Variants in COL4A5 observed in about 807,000 individuals in gnomAD.
COL4A5 encodes the protein collagen type IV alpha 5 chain, also known as collagen alpha-5(IV) chain.
A neutral mutation model predicts 130.2 loss-of-function variants in COL4A5; 26 were observed. That is an observed-to-expected ratio of 0.20 (90% CI 0.15 to 0.28). COL4A5 has a LOEUF of 0.28. Ranked by LOEUF, COL4A5 falls within the 10% of genes least tolerant of loss-of-function variation. The probability of loss-of-function intolerance (pLI) is 1.00; values close to 1 mark genes in which losing one functional copy is unlikely to be tolerated. For synonymous variants in COL4A5, 496 were observed against 439.6 expected (o/e 1.13, Z -1.60); for missense variants, 1,131 against 1,344.3 (o/e 0.84, Z 2.48).
rs1171991897 is a variant in COL4A5 at position 108,591,661 on chromosome X, T to C, written c.1423+17T>C. ...GAGTGAAAGGTTTGATCTCCAAACA[T>C]ATTCATTCCTTCATTTTCTTCATTC... On this transcript the variant is annotated intron_variant, in intron 21 of 52. Transcript: ENST00000328300. 2 of 1,116,143 alleles carry C rather than the reference T, an allele frequency of 1.8e-6. No homozygotes were observed. The highest frequency in any genetic ancestry group is 1.8e-5 in the South Asian group (1 of 54,906). 92.0% of individuals were successfully genotyped at this position (1,116,143 alleles called of 1,213,427 possible). A position where few individuals can be genotyped will look rare whatever the true frequency, so the allele number is the denominator to read the frequency against.
At chrX:108,478,351 C>T (rs1466079959) in intron 1 of COL4A5, among the ~76,000 whole-genome samples, 2 of 111,200 alleles carry the variant, frequency 1.8e-5, no homozygotes, top group East Asian at 2.8e-4. Flanking sequence ...GCCAGTAGAA[C>T]GTAATGTTGT....
chrX:108,488,174 C>G (rs749641065), intron 1 of COL4A5, among the ~76,000 whole-genome samples: 1 of 112,538 alleles, frequency 8.9e-6, no homozygotes, highest in South Asian at 3.7e-4. Flanking sequence ...TATGCATACA[C>G]AAGCACAGGC....
chrX:108,472,992 A>G (rs936408915), intron 1 of COL4A5, among the ~76,000 whole-genome samples: 5 of 111,161 alleles, frequency 4.5e-5, no homozygotes, highest in African/African-American at 1.6e-4. Context: ...TGTGGTTTTG[A>G]TTTGCATTTC....
chrX:108,656,701 G>T (rs777137767), intron 37 of COL4A5, among the ~76,000 whole-genome samples: 3 of 111,604 alleles, frequency 2.7e-5, no homozygotes, highest in South Asian at 7.6e-4. Flanking sequence ...TATCTGTTTT[G>T]ATGAGTATGT....
chrX:108,696,139 C>T lies in COL4A5; in HGVS notation c.4995-158C>T, dbSNP rs2068728793. On this transcript the variant is annotated intron_variant, in intron 52 of 52. Transcript: ENST00000328300. ...GACCACTAATGGCTCTTAAACCATA[C>T]TAGTCACTGCATTAGATCATATTGC... 1.4e-5 allele frequency: 7 copies of T among 489,048 alleles called. No individual in the cohort carries two copies. The South Asian group carries it at 2.0e-4, about 14-fold the overall frequency. The allele number at this position is 489,048 out of a possible 1,213,427, so 40.3% of individuals were successfully genotyped here.
At chrX:108,568,699 T>G in intron 5 of COL4A5, 26 bp downstream of exon 5, 3 of 1,195,247 alleles carry the variant, frequency 2.5e-6, no homozygotes, top group Non-Finnish European at 3.4e-6. Context: ...CTTTTTACTT[T>G]GAAATCTCTT....
intron 3 of COL4A5, among the ~76,000 whole-genome samples, chrX:108,559,778 A>G (rs2065876449): frequency 8.9e-6 from 1 of 112,132 alleles, no homozygotes; most frequent in South Asian, 3.7e-4. Flanking sequence ...TTCTCCTCTC[A>G]TAAGAAGGTC....
intron 18 of COL4A5, among the ~76,000 whole-genome samples, chrX:108,584,925 G>A (rs1032768091): frequency 9.0e-6 from 1 of 111,176 alleles, no homozygotes; most frequent in East Asian, 2.8e-4. Context: ...GAGCTCAGGA[G>A]AAAGATAGAT....
chrX:108,448,929 C>T (rs1485639766), intron 1 of COL4A5, among the ~76,000 whole-genome samples: 2 of 111,622 alleles, frequency 1.8e-5, no homozygotes, highest in Non-Finnish European at 3.8e-5. Context: ...GCTGCAGTTC[C>T]AGGAATCACA....
Position 108,606,197 on chromosome X carries a change from T to C in COL4A5, c.2245-545T>C, listed in dbSNP as rs182898603. On this transcript the variant is annotated intron_variant, in intron 28 of 52. Transcript: ENST00000328300. The stretch of plus-strand genomic sequence containing the variant: ...CAAATGAAAATAAAAGTAAAATGAA[T>C]AATACAATGAGCTTTCACATATCCA... Among the ~76,000 whole-genome samples the C allele has an allele frequency of 3.4e-3, 386 of 111,990 alleles. 2 individuals carry two copies. The highest frequency in any genetic ancestry group is 0.012 in the African/African-American group (365 of 30,828).
At chrX:108,443,539 A>T (rs926958956) in intron 1 of COL4A5, among the ~76,000 whole-genome samples, 1 of 111,822 alleles carries the variant, frequency 8.9e-6, no homozygotes, top group South Asian at 3.7e-4. Context: ...TTGCCTACCT[A>T]TCATATCCAA....
chrX:108,662,540 A>G (rs1044313351), intron 37 of COL4A5, among the ~76,000 whole-genome samples: 1 of 111,599 alleles, frequency 9.0e-6, no homozygotes, highest in Non-Finnish European at 1.9e-5. Flanking sequence ...TCAGTGTGCA[A>G]AAATCACAAG....
intron 1 of COL4A5, among the ~76,000 whole-genome samples, chrX:108,502,513 G>T (rs1214390643): frequency 9.0e-6 from 1 of 110,871 alleles, no homozygotes. Context: ...TCGAACTCCC[G>T]ACCTCAGGTG....
intron 47 of COL4A5, among the ~76,000 whole-genome samples, chrX:108,684,068 A>ACCTC (rs1222375520): frequency 8.9e-6 from 1 of 111,790 alleles, no homozygotes; most frequent in East Asian, 2.8e-4. Flanking sequence ...GAAACCAATG[A>ACCTC]GAACAAAGAC....
intron 28 of COL4A5, 25 bp from the exon 29 acceptor site, chrX:108,606,717 G>T (rs1188015265): frequency 8.3e-7 from 1 of 1,210,380 alleles, no homozygotes; most frequent in Admixed American, 2.2e-5. Context: ...AGTTTTTGTT[G>T]TGTTTTGTCA....
At chrX:108,470,075 G>A (rs1363281373) in intron 1 of COL4A5, among the ~76,000 whole-genome samples, 1 of 112,154 alleles carries the variant, frequency 8.9e-6, no homozygotes, top group Non-Finnish European at 1.9e-5. Flanking sequence ...TTGCTATTGT[G>A]AATGGTACTG....
At chrX:108,449,724 G>C (rs1469233621) in intron 1 of COL4A5, among the ~76,000 whole-genome samples, 1 of 109,612 alleles carries the variant, frequency 9.1e-6, no homozygotes, top group Non-Finnish European at 1.9e-5. Flanking sequence ...TGGTCTCTCT[G>C]TGACCTCACA....
intron 1 of COL4A5, among the ~76,000 whole-genome samples, chrX:108,477,757 AG>A (rs1244061676): frequency 9.6e-6 from 1 of 104,653 alleles, no homozygotes; most frequent in Non-Finnish European, 2.0e-5. Context: ...CAGAGGTTGC[AG>A]TGAGCTGAGA....
chrX:108,557,672 A>G (rs184025286), intron 2 of COL4A5, among the ~76,000 whole-genome samples: 144 of 111,457 alleles, frequency 1.3e-3, no homozygotes, highest in Middle Eastern at 4.6e-3. Flanking sequence ...CAGAGTAGAA[A>G]TAAAAGTGTG....
Sources: gnomAD v4.1 joint callset for allele counts (sites outside exome capture counted in the v4.1 genomes callset) on GRCh38, gnomAD v4.1.1 for gene constraint, MANE v1.5 for transcripts, NCBI Gene and HGNC (gene_info 2026-07-23, HGNC 2026-07-21) for gene names.